NPAS3: variants seen among roughly 807,000 people sequenced by gnomAD.
NPAS3 encodes the protein neuronal PAS domain protein 3.
A neutral mutation model predicts 73.1 loss-of-function variants in NPAS3; 14 were observed. The observed-to-expected ratio is 0.19, with a 90% confidence interval of 0.13 to 0.30. The LOEUF is 0.30. NPAS3 is among the 10% of genes least tolerant of loss of function. The probability of loss-of-function intolerance (pLI) is 1.00; values close to 1 mark genes in which losing one functional copy is unlikely to be tolerated. For synonymous variants in NPAS3, 620 were observed against 541.5 expected (o/e 1.14, Z -2.01); for missense variants, 1,096 against 1,250.0 (o/e 0.88, Z 1.86).
At chr14:33,683,426 TCAAAAA>T (rs2059997502) in intron 6 of NPAS3, among the ~76,000 whole-genome samples, 2 of 31,986 alleles carry the variant, frequency 6.3e-5, no homozygotes, top group African/African-American at 1.9e-4. Context: ...TTTCCTCATT[TCAAAAA>T]AAAAAAAAAA....
chr14:33,319,384 G>A (rs924039747), intron 3 of NPAS3, among the ~76,000 whole-genome samples: 1 of 151,990 alleles, frequency 6.6e-6, no homozygotes, highest in Admixed American at 6.6e-5. Context: ...TCCTTAGACC[G>A]CCAGATATTT....
chr14:32,966,776 C>CAAAAA (rs61620104), intron 1 of NPAS3, among the ~76,000 whole-genome samples: 10 of 45,132 alleles, frequency 2.2e-4, no homozygotes, highest in Non-Finnish European at 2.5e-4. Context: ...GACTCCGTCT[C>CAAAAA]AAAAAAAAAA....
intron 6 of NPAS3, among the ~76,000 whole-genome samples, chr14:33,691,234 C>G (rs914325937): frequency 1.3e-5 from 2 of 152,048 alleles, no homozygotes; most frequent in Non-Finnish European, 2.9e-5. Flanking sequence ...GTATTTGGGC[C>G]TTTGCTGAGA....
At chr14:33,485,480 C>T (rs996688906) in intron 4 of NPAS3, among the ~76,000 whole-genome samples, 2 of 152,122 alleles carry the variant, frequency 1.3e-5, no homozygotes, top group Non-Finnish European at 2.9e-5. Flanking sequence ...AAGTCAACTT[C>T]TGGAAACTTT....
intron 2 of NPAS3, among the ~76,000 whole-genome samples, chr14:33,175,197 A>G (rs1293901905): frequency 2.6e-5 from 4 of 152,212 alleles, no homozygotes; most frequent in African/African-American, 4.8e-5. Flanking sequence ...AAGGCAAAAT[A>G]CTTGTATAAG....
At chr14:33,312,396 T>A (rs2140199639) in intron 3 of NPAS3, among the ~76,000 whole-genome samples, 1 of 150,654 alleles carries the variant, frequency 6.6e-6, no homozygotes, top group East Asian at 1.9e-4. Flanking sequence ...CAATTTTTAT[T>A]GTGTGTGTGT....
At position 32,968,860 on chromosome 14, in the gene NPAS3, G is replaced by A. The variant is rs2037303415; in HGVS notation, c.50+29494G>A. On this transcript the variant is annotated intron_variant, in intron 1 of 11. Coordinates refer to ENST00000356141, the Ensembl canonical transcript of NPAS3. ...ACATAGGTAAATGTGCGCCATGGTG[G>A]TTTGCTGCACAGATCAACCCATCAC... Among the ~76,000 whole-genome samples, 3 of 151,710 alleles carry A rather than the reference G, an allele frequency of 2.0e-5. No individual in the cohort carries two copies. In the South Asian group the frequency reaches 6.2e-4, roughly 32 times the overall value.
At chr14:33,716,104 G>A (rs990790400) in intron 6 of NPAS3, among the ~76,000 whole-genome samples, 1 of 152,114 alleles carries the variant, frequency 6.6e-6, no homozygotes, top group African/African-American at 2.4e-5. Flanking sequence ...ACTCCTTGGG[G>A]GCAAGACCAC....
chr14:33,464,207 G>A (rs1469611840), intron 4 of NPAS3, among the ~76,000 whole-genome samples: 1 of 152,164 alleles, frequency 6.6e-6, no homozygotes, highest in African/African-American at 2.4e-5. Context: ...AGTCCCCTGG[G>A]CAGTGCCACA....
intron 3 of NPAS3, among the ~76,000 whole-genome samples, chr14:33,297,958 A>G (rs960846462): frequency 6.6e-6 from 1 of 152,150 alleles, no homozygotes; most frequent in East Asian, 1.9e-4. Context: ...TTAATCATAC[A>G]CTATGCAAGG....
chr14:33,164,098 A>T (rs1566627872), intron 2 of NPAS3, among the ~76,000 whole-genome samples: 1 of 152,198 alleles, frequency 6.6e-6, no homozygotes, highest in Non-Finnish European at 1.5e-5. Flanking sequence ...ATAAGGTTTG[A>T]TGTGAGATTT....
chr14:33,400,802 G>A (rs2047413166), intron 4 of NPAS3, among the ~76,000 whole-genome samples: 1 of 151,892 alleles, frequency 6.6e-6, no homozygotes, highest in African/African-American at 2.4e-5. Context: ...TGGTGGTATT[G>A]GTATTGATGG....
At chr14:33,746,142 A>C (rs1382365820) in intron 7 of NPAS3, among the ~76,000 whole-genome samples, 1 of 151,194 alleles carries the variant, frequency 6.6e-6, no homozygotes, top group Non-Finnish European at 1.5e-5. Context: ...TCCTTAGGGG[A>C]TTCTATTGAC....
intron 4 of NPAS3, among the ~76,000 whole-genome samples, chr14:33,404,908 C>T (rs998401168): frequency 3.3e-5 from 5 of 152,144 alleles, no homozygotes; most frequent in African/African-American, 1.2e-4. Context: ...GGGAGTTTTC[C>T]TGTTCTGGTC....
rs149020696 is a variant in NPAS3 at position 33,020,686 on chromosome 14, C to G, written c.51-35219C>G. On this transcript the variant is annotated intron_variant, in intron 1 of 11. Transcript: ENST00000356141. ...CCCAGCTCGCCTGCTTCTGCCACAC[C>G]AATCTTTAAAAAATATTGGTCTGCC... is the stretch of plus-strand genomic sequence containing the variant. Among the ~76,000 whole-genome samples the G allele has an allele frequency of 5.8e-3, 877 of 151,862 alleles. 8 individuals are homozygous for G. Among genetic ancestry groups the G allele is most frequent in the African/African-American group, 0.02 (838 of 41,214 alleles).
intron 9 of NPAS3, among the ~76,000 whole-genome samples, chr14:33,793,583 T>C (rs945180131): frequency 1.3e-5 from 2 of 152,202 alleles, no homozygotes; most frequent in Non-Finnish European, 2.9e-5. Flanking sequence ...CCATTGACAA[T>C]ATCCACACCG....
intron 4 of NPAS3, among the ~76,000 whole-genome samples, chr14:33,504,980 G>A (rs1226633533): frequency 6.6e-6 from 1 of 151,968 alleles, no homozygotes; most frequent in Admixed American, 6.6e-5. Flanking sequence ...GGAAAGACCG[G>A]CCAATAATTT....
chr14:33,774,557 C>T, intron 8 of NPAS3, 27 bp downstream of exon 8: 1 of 1,579,990 alleles, frequency 6.3e-7, no homozygotes, highest in Non-Finnish European at 8.7e-7. Context: ...TTCATTTGCC[C>T]TGTTGCACGT....
rs527525127 is a variant in NPAS3, at chr14:32,948,631, C to T, written c.50+9265C>T. Among the ~76,000 whole-genome samples the T allele has an allele frequency of 1.2e-4, 18 of 152,058 alleles. 1 individual carries two copies. The highest frequency in any genetic ancestry group is 1.9e-4 in the Non-Finnish European group (13 of 67,984). On this transcript the variant is annotated intron_variant, in intron 1 of 11. Coordinates refer to ENST00000356141, the Ensembl canonical transcript of NPAS3. ...ATGATTATGGTTCAAAATAATTCAT[C>T]GCTAATCCATGCAGTATTGGTTCAT...
Sources: gnomAD v4.1 joint callset for allele counts (sites outside exome capture counted in the v4.1 genomes callset) on GRCh38, gnomAD v4.1.1 for gene constraint, MANE v1.5 for transcripts, NCBI Gene and HGNC (gene_info 2026-07-23, HGNC 2026-07-21) for gene names.